Variants in GPHN observed in about 807,000 individuals in gnomAD.
GPHN encodes the protein gephyrin.
A neutral mutation model predicts 95.5 loss-of-function variants in GPHN; 17 were observed. That is an observed-to-expected ratio of 0.18 (90% confidence interval 0.12 to 0.27). GPHN has a LOEUF of 0.27. Among genes scored for constraint, GPHN ranks in the 10% least tolerant of loss-of-function variants. The pLI, the probability that GPHN is intolerant of heterozygous loss-of-function variation, is 1.00. For synonymous variants in GPHN, 320 were observed against 322.5 expected (o/e 0.99, Z 0.08); for missense variants, 660 against 978.1 (o/e 0.67, Z 4.34).
At chr14:67,192,424 G>A in the GPHN span, among the ~76,000 whole-genome samples, 2 of 150,812 alleles carry the variant, frequency 1.3e-5, no homozygotes, top group African/African-American at 4.9e-5. Flanking sequence ...ATGTATTTTT[G>A]AGTCACCAAA....
At chr14:67,592,309 G>A in the GPHN span, 4 of 436,906 alleles carry the variant, frequency 9.2e-6, no homozygotes, top group Non-Finnish European at 1.3e-5. Context: ...GCGAGATGGT[G>A]CACACCTGTA....
chr14:66,806,854 C>G (rs1422246565), intron 3 of GPHN, among the ~76,000 whole-genome samples: 1 of 152,152 alleles, frequency 6.6e-6, no homozygotes, highest in Non-Finnish European at 1.5e-5. Flanking sequence ...TTTCTGTCTT[C>G]TTTTTAGCCC....
chr14:66,913,195 A>G (rs1377641039), intron 5 of GPHN, among the ~76,000 whole-genome samples: 1 of 152,138 alleles, frequency 6.6e-6, no homozygotes, highest in East Asian at 1.9e-4. Flanking sequence ...GGTCCTTCTT[A>G]GCCTCATATT....
intron 17 of GPHN, among the ~76,000 whole-genome samples, chr14:67,139,159 G>T (rs1189218338): frequency 1.3e-5 from 2 of 151,182 alleles, no homozygotes; most frequent in African/African-American, 4.9e-5. Flanking sequence ...GGAGGCGGAG[G>T]TTGCAGTGAG....
At chr14:67,496,402 T>TTTTTG in the GPHN span, among the ~76,000 whole-genome samples, 2 of 125,532 alleles carry the variant, frequency 1.6e-5, no homozygotes, top group Admixed American at 8.3e-5. Context: ...TTTTTTTTTT[T>TTTTTG]TTTTTTTTTT....
At chr14:66,971,259 C>T (rs943526817) in intron 9 of GPHN, among the ~76,000 whole-genome samples, 4 of 152,098 alleles carry the variant, frequency 2.6e-5, no homozygotes, top group South Asian at 4.1e-4. Flanking sequence ...ACACGGGAGG[C>T]GGAGATTGCT....
chr14:67,222,024 T>C, the GPHN span: 1 of 555,102 alleles, frequency 1.8e-6, no homozygotes, highest in East Asian at 3.1e-5. Flanking sequence ...GAAAACATTA[T>C]GGTACTTTAC....
the GPHN span, among the ~76,000 whole-genome samples, chr14:67,256,972 A>C: frequency 6.6e-6 from 1 of 152,210 alleles, no homozygotes; most frequent in African/African-American, 2.4e-5. Flanking sequence ...ACACAGCCTC[A>C]GGAGGTCCTG....
chr14:67,641,041 C>T, the GPHN span, among the ~76,000 whole-genome samples: 1 of 152,182 alleles, frequency 6.6e-6, no homozygotes, highest in Non-Finnish European at 1.5e-5. Flanking sequence ...AAGAAAATAA[C>T]TGCCTATCAG....
chr14:67,655,924 G>A, the GPHN span, among the ~76,000 whole-genome samples: 2,342 of 152,100 alleles, frequency 0.015, 74 homozygotes, highest in African/African-American at 0.053. Context: ...TGCTTCTAAG[G>A]GACATCTCTC....
the GPHN span, among the ~76,000 whole-genome samples, chr14:67,327,953 G>T: frequency 2.0e-3 from 308 of 152,332 alleles, no homozygotes; most frequent in African/African-American, 7.0e-3. Context: ...ACGTGTGCAT[G>T]TGTCTTTATA....
chr14:66,871,039 A>G (rs1759417144), intron 4 of GPHN, among the ~76,000 whole-genome samples: 1 of 152,222 alleles, frequency 6.6e-6, no homozygotes, highest in African/African-American at 2.4e-5. Flanking sequence ...AGGATTTAGA[A>G]AAATTAATGA....
intron 18 of GPHN, among the ~76,000 whole-genome samples, chr14:67,158,976 T>C (rs1470979479): frequency 1.3e-5 from 2 of 152,208 alleles, no homozygotes; most frequent in Non-Finnish European, 2.9e-5. Flanking sequence ...TACATACATG[T>C]AGGTTTCTTG....
At chr14:67,518,633 C>T in the GPHN span, among the ~76,000 whole-genome samples, 2 of 152,210 alleles carry the variant, frequency 1.3e-5, no homozygotes, top group African/African-American at 2.4e-5. Flanking sequence ...GACATATATT[C>T]TGAAAGGCAA....
intron 3 of GPHN, among the ~76,000 whole-genome samples, chr14:66,787,016 A>G (rs1005784508): frequency 1.3e-4 from 20 of 152,182 alleles, no homozygotes; most frequent in Non-Finnish European, 1.5e-5. Flanking sequence ...AATGCTAGGT[A>G]GCACAGTAAC....
chr14:67,077,797 C>T (rs911073308), intron 11 of GPHN, among the ~76,000 whole-genome samples: 1 of 151,966 alleles, frequency 6.6e-6, no homozygotes, highest in Non-Finnish European at 1.5e-5. Flanking sequence ...CCTTTTTGAT[C>T]CAACCAGACT....
intron 1 of GPHN, among the ~76,000 whole-genome samples, chr14:66,546,073 T>G (rs1243835135): frequency 7.8e-6 from 1 of 127,872 alleles, no homozygotes; most frequent in Non-Finnish European, 1.7e-5. Flanking sequence ...CGGGTAGAGG[T>G]GCTCCTCACA....
the GPHN span, among the ~76,000 whole-genome samples, chr14:67,290,410 G>T: frequency 6.6e-6 from 1 of 152,108 alleles, no homozygotes; most frequent in African/African-American, 2.4e-5. Context: ...CAGTGGAAAA[G>T]GAATTATTAT....
chr14:67,695,533 C>A, the GPHN span: 2 of 1,255,578 alleles, frequency 1.6e-6, no homozygotes, highest in African/African-American at 1.5e-5. Context: ...GGAGCCCCCC[C>A]AGGGGAGTTT....
Sources: allele counts gnomAD v4.1 joint callset (sites outside exome capture counted in the v4.1 genomes callset), GRCh38; gene constraint gnomAD v4.1.1; transcripts MANE v1.5; gene names NCBI Gene and HGNC (gene_info 2026-07-23, HGNC 2026-07-21).